Variants in NEURL1B observed in about 807,000 individuals in gnomAD.
NEURL1B encodes the protein neuralized E3 ubiquitin protein ligase 1B.
In NEURL1B, 13 loss-of-function variants were observed where a neutral mutation model predicts 37.4. The ratio of observed to expected loss-of-function variants is 0.35; its 90% CI spans 0.23 to 0.55. NEURL1B has a LOEUF of 0.55. Ranked by LOEUF, NEURL1B falls within the 20% of genes least tolerant of loss-of-function variation. The pLI, the probability that NEURL1B is intolerant of heterozygous loss-of-function variation, is 0.89. For synonymous variants in NEURL1B, 432 were observed against 426.6 expected (o/e 1.01, Z -0.16); for missense variants, 790 against 879.2 (o/e 0.90, Z 1.28).
chr5:172,678,562 AC>A (rs1294824780), intron 2 of NEURL1B, among the ~76,000 whole-genome samples: 4 of 146,072 alleles, frequency 2.7e-5, no homozygotes, highest in Admixed American at 6.9e-5. Context: ...AAGTGACACC[AC>A]CCCCTTGGTT....
chr5:172,686,085 C>T lies in NEURL1B; in HGVS notation c.1298-86C>T. The T allele has an allele frequency of 6.7e-7, 1 of 1,483,906 alleles. No homozygotes were observed. The highest frequency in any genetic ancestry group is 2.5e-5 in the East Asian group (1 of 40,490). 91.9% of individuals were successfully genotyped at this position (1,483,906 alleles called of 1,614,324 possible). A position where few individuals can be genotyped will look rare whatever the true frequency, so the allele number is the denominator to read the frequency against. ...CTGGTCCTCTCGTTAGACGGGAAAGCTAAGGTGCAAAGCAGTGAAGAACCA... is the reference window on the plus strand; with the variant it reads ...CTGGTCCTCTCGTTAGACGGGAAAGTTAAGGTGCAAAGCAGTGAAGAACCA... On this transcript the variant is annotated intron_variant, in intron 3 of 4. Transcript: ENST00000369800. The surrounding 1 kb of genome is among the most constrained non-coding windows in gnomAD (Gnocchi z 7.9).
Position 172,686,726 on chromosome 5 carries a change from T to C in NEURL1B, c.1469T>C (p.Phe490Ser). ...SPLSPPVSPV[F>S]SPPEPAGIKN... Reference sequence around the variant, plus strand: ...CTGAGCCCCCCGGTGTCCCCCGTGTTCTCCCCACCGGAGCCGGCAGGCATC... The same window carrying C: ...CTGAGCCCCCCGGTGTCCCCCGTGTCCTCCCCACCGGAGCCGGCAGGCATC... The change falls in exon 5 of 5, where the codon TTC becomes TCC. Residue 490 changes from phenylalanine (F) to serine (S), a missense_variant. Phe to Ser is a radical substitution (Grantham distance 155). Coordinates refer to ENST00000369800, the MANE Select transcript of NEURL1B (RefSeq NM_001142651.3). The surrounding 1 kb of genome is among the most constrained non-coding windows in gnomAD (Gnocchi z 7.9). 5 of 1,551,012 alleles carry C rather than the reference T, an allele frequency of 3.2e-6. No homozygotes were observed. Among genetic ancestry groups the C allele is most frequent in the Non-Finnish European group, 4.4e-6 (5 of 1,146,854 alleles).
rs1428625640 is a variant in NEURL1B at position 172,686,105 on chromosome 5, G to T, written c.1298-66G>T. ...GAAAGCTAAGGTGCAAAGCAGTGAAGAACCATGGACTAGCAGGGCAGGTCC... is the reference window on the plus strand; with the variant it reads ...GAAAGCTAAGGTGCAAAGCAGTGAATAACCATGGACTAGCAGGGCAGGTCC... On this transcript the variant is annotated intron_variant, in intron 3 of 4. Transcript: ENST00000369800. The surrounding 1 kb of genome is among the most constrained non-coding windows in gnomAD (Gnocchi z 7.9). 43 of 1,534,454 alleles carry T rather than the reference G, an allele frequency of 2.8e-5. 1 individual carries two copies. The highest frequency in any genetic ancestry group is 3.4e-4 in the Middle Eastern group (2 of 5,918).
chr5:172,684,509 T>C (rs1758445154), intron 3 of NEURL1B, among the ~76,000 whole-genome samples: 2 of 152,246 alleles, frequency 1.3e-5, no homozygotes, highest in Admixed American at 1.3e-4. Flanking sequence ...GTGCGATTTT[T>C]AGTTCCGTTG....
In NEURL1B at chr5:172,665,324, C is replaced by T. The variant is rs924591572; in HGVS notation, c.32-4461C>T. Among the ~76,000 whole-genome samples the T allele has an allele frequency of 4.6e-5, 7 of 152,180 alleles. No individual in the cohort carries two copies. Among genetic ancestry groups the T allele is most frequent in the Admixed American group, 4.6e-4 (7 of 15,288 alleles). ...GTGGACAGCACAGGCTTCTGCTGTC[C>T]CTGAGCTATCTCTGCCGATGGTCTG... On this transcript the variant is annotated intron_variant, in intron 1 of 4. Transcript: ENST00000369800. This position sits in a 1 kb window ranked among gnomAD's most constrained non-coding sequence, Gnocchi z 4.1.
chr5:172,653,761 CTTT>C (rs1194790339), intron 1 of NEURL1B, among the ~76,000 whole-genome samples: 2 of 152,166 alleles, frequency 1.3e-5, no homozygotes, highest in Middle Eastern at 3.2e-3. Context: ...TGCACATAAA[CTTT>C]TTTCAATAGT....
chr5:172,660,235 G>A (rs1282651025), intron 1 of NEURL1B, among the ~76,000 whole-genome samples: 1 of 152,212 alleles, frequency 6.6e-6, no homozygotes, highest in Admixed American at 6.5e-5. Context: ...ACAGTCAGGG[G>A]GCCCGGCAGA....
chr5:172,650,774 C>T (rs1012751192), intron 1 of NEURL1B, among the ~76,000 whole-genome samples: 4 of 152,218 alleles, frequency 2.6e-5, no homozygotes, highest in African/African-American at 7.2e-5. Flanking sequence ...GTATCCCTGA[C>T]GCACGTGACC....
intron 2 of NEURL1B, among the ~76,000 whole-genome samples, chr5:172,673,992 T>C (rs1378905401): frequency 6.6e-6 from 1 of 151,428 alleles, no homozygotes; most frequent in Non-Finnish European, 1.5e-5. Context: ...TACAAAAAAT[T>C]AACCAGCCAC....
chr5:172,653,335 C>T (rs942218321), intron 1 of NEURL1B, among the ~76,000 whole-genome samples: 1 of 151,996 alleles, frequency 6.6e-6, no homozygotes, highest in Admixed American at 6.5e-5. Context: ...ACAATGCTTC[C>T]AGTATGATTT....
In NEURL1B at chr5:172,687,033, C is replaced by T. The variant is rs1355649553; in HGVS notation, c.*108C>T. The T allele has an allele frequency of 7.7e-7, 1 of 1,302,316 alleles. No individual in the cohort carries two copies. Among genetic ancestry groups the T allele is most frequent in the South Asian group, 1.5e-5 (1 of 67,690 alleles). The allele number at this position is 1,302,316 out of a possible 1,614,324, so 80.7% of individuals were successfully genotyped here. On this transcript the variant is annotated 3_prime_UTR_variant, in exon 5 of 5. Transcript: ENST00000369800. The stretch of plus-strand genomic sequence containing the variant: ...GAGTCCACGGGCAGCGGCCATCTCT[C>T]CAGTGGTGGGCAAGGTGTGACAGTC...
chr5:172,653,068 A>C (rs1215361066), intron 1 of NEURL1B, among the ~76,000 whole-genome samples: 1 of 152,158 alleles, frequency 6.6e-6, no homozygotes, highest in African/African-American at 2.4e-5. Context: ...CTTTGATGAG[A>C]ACGTGATCGC....
At chr5:172,658,669 C>T (rs1188713838) in intron 1 of NEURL1B, among the ~76,000 whole-genome samples, 1 of 152,118 alleles carries the variant, frequency 6.6e-6, no homozygotes, top group East Asian at 1.9e-4. Context: ...GGTATGAGTT[C>T]AAACACCCAT....
At chr5:172,671,750 A>G (rs1758133302) in intron 2 of NEURL1B, among the ~76,000 whole-genome samples, 1 of 152,226 alleles carries the variant, frequency 6.6e-6, no homozygotes, top group Non-Finnish European at 1.5e-5. Context: ...TTTTGTGGGA[A>G]AACCCTGGCC....
At chr5:172,685,318 T>C (rs1758471720) in intron 3 of NEURL1B, among the ~76,000 whole-genome samples, 1 of 152,090 alleles carries the variant, frequency 6.6e-6, no homozygotes, top group Non-Finnish European at 1.5e-5. Flanking sequence ...GGTCAGAGTG[T>C]TTTTTGGGGA....
In NEURL1B at chr5:172,676,953, G is replaced by A. The variant is rs1758243298; in HGVS notation, c.578-6466G>A. On this transcript the variant is annotated intron_variant, in intron 2 of 4. Transcript: ENST00000369800. This position sits in a 1 kb window ranked among gnomAD's most constrained non-coding sequence, Gnocchi z 4.5. ...ACTTATGGAGTTAAATGCAGGGTTC[G>A]GAGGTCTGAGCGCACCATTCCAGGC... Among the ~76,000 whole-genome samples the A allele has an allele frequency of 6.6e-6, 1 of 152,262 alleles. No homozygotes were observed. Among genetic ancestry groups the A allele is most frequent in the Non-Finnish European group, 1.5e-5 (1 of 68,016 alleles).
chr5:172,649,231 G>A (rs1757614876), intron 1 of NEURL1B, among the ~76,000 whole-genome samples: 1 of 152,010 alleles, frequency 6.6e-6, no homozygotes. Flanking sequence ...AGAGGCCCTG[G>A]AGTATCCAAT....
At chr5:172,670,403 T>A in intron 2 of NEURL1B, 73 bp downstream of exon 2, 1 of 1,198,458 alleles carries the variant, frequency 8.3e-7, no homozygotes, top group Non-Finnish European at 1.1e-6. Context: ...GTTTCATTAG[T>A]AGCCACAGTC....
rs986506138 is a variant in NEURL1B, at chr5:172,665,694, C to T, written c.32-4091C>T. 6.6e-6 allele frequency among the ~76,000 whole-genome samples: 1 copy of T among 152,040 alleles called. No individual in the cohort carries two copies. The highest frequency in any genetic ancestry group is 1.5e-5 in the Non-Finnish European group (1 of 68,002). ...CACCTACCGTATCACTTTACCCTCC[C>T]CCCAAATTCCAGCCTCCCCCTGCCT... is the stretch of plus-strand genomic sequence containing the variant. On this transcript the variant is annotated intron_variant, in intron 1 of 4. Coordinates refer to ENST00000369800, the MANE Select transcript of NEURL1B (RefSeq NM_001142651.3). The surrounding 1 kb of genome is among the most constrained non-coding windows in gnomAD (Gnocchi z 4.1).
Sources: allele counts gnomAD v4.1 joint callset (sites outside exome capture counted in the v4.1 genomes callset), GRCh38; gene constraint gnomAD v4.1.1; non-coding constraint Gnocchi (gnomAD v3.1); transcripts MANE v1.5; gene names NCBI Gene and HGNC (gene_info 2026-07-23, HGNC 2026-07-21).